ERBIN: variants seen among roughly 807,000 people sequenced by gnomAD.
ERBIN encodes the protein erbb2 interacting protein.
In ERBIN, 60 loss-of-function variants were observed where a neutral mutation model predicts 158.4. The observed-to-expected ratio is 0.38, with a 90% CI of 0.31 to 0.47. The LOEUF (loss-of-function observed/expected upper bound fraction) is 0.47, where lower values mean the gene tolerates loss of function less well. ERBIN is among the 20% of genes least tolerant of loss of function. The pLI is 0.99. For missense variants in ERBIN, 1,610 were observed against 1,648.0 expected (o/e 0.98, Z 0.40); for synonymous variants, 594 against 557.2 (o/e 1.07, Z -0.93).
intron 24 of ERBIN, 130 bp downstream of exon 24, chr5:66,076,538 A>G (rs997811684): frequency 6.1e-5 from 45 of 734,782 alleles, no homozygotes; most frequent in Non-Finnish European, 9.3e-5. Context: ...TCCCCACTCT[A>G]TTGCTTACCT....
chr5:66,075,185 G>A lies in ERBIN; in HGVS notation c.3918G>A (p.Gln1306=). Residue 1306 remains glutamine, a synonymous_variant, in exon 23 of 26, where the codon CAG becomes CAA. Transcript: ENST00000284037. ...LKVAHQPPYT[Q]PHCSPRQGHE... is the part of the protein sequence containing the mutation. ...TGGCCCACCAGCCTCCATATACACA[G>A]CCCCATTGTTCTCCTAGACAAGGCC... is the stretch of plus-strand genomic sequence containing the variant. 1.2e-6 allele frequency: 2 copies of A among 1,614,144 alleles called. No homozygotes were observed. Among genetic ancestry groups the A allele is most frequent in the Admixed American group, 1.7e-5 (1 of 60,012 alleles).
chr5:66,003,873 G>T (rs1464779523), intron 4 of ERBIN, among the ~76,000 whole-genome samples: 1 of 144,740 alleles, frequency 6.9e-6, no homozygotes, highest in African/African-American at 2.5e-5. Flanking sequence ...GAAGACATTT[G>T]TGTTTTGTGA....
At chr5:66,030,841 G>A (rs1265500829) in intron 14 of ERBIN, among the ~76,000 whole-genome samples, 1 of 152,090 alleles carries the variant, frequency 6.6e-6, no homozygotes, top group Admixed American at 6.6e-5. Context: ...ACAGTGCCGG[G>A]ACTACAGGTG....
At chr5:65,984,443 A>G (rs1750991216) in intron 1 of ERBIN, among the ~76,000 whole-genome samples, 1 of 152,094 alleles carries the variant, frequency 6.6e-6, no homozygotes, top group African/African-American at 2.4e-5. Flanking sequence ...CTGACCTTCT[A>G]GATGCCACTC....
At chr5:66,051,396 A>G (rs1201054430) in intron 20 of ERBIN, among the ~76,000 whole-genome samples, 1 of 152,228 alleles carries the variant, frequency 6.6e-6, no homozygotes. Context: ...TCACTGAGAG[A>G]GAGATAAATG....
chr5:66,058,325 C>T (rs1307297595), intron 21 of ERBIN, among the ~76,000 whole-genome samples: 1 of 152,054 alleles, frequency 6.6e-6, no homozygotes, highest in East Asian at 1.9e-4. Context: ...TTTTTGGCTG[C>T]ATAAGTGTCT....
At chr5:65,943,897 G>A (rs1745395943) in intron 1 of ERBIN, among the ~76,000 whole-genome samples, 1 of 152,106 alleles carries the variant, frequency 6.6e-6, no homozygotes, top group African/African-American at 2.4e-5. Context: ...AACTTTCTGT[G>A]TCTATTATTT....
intron 1 of ERBIN, among the ~76,000 whole-genome samples, chr5:65,957,456 A>G (rs1747304612): frequency 6.6e-6 from 1 of 152,172 alleles, no homozygotes; most frequent in South Asian, 2.1e-4. Flanking sequence ...TCTGTTTAAC[A>G]AAGCACATCT....
chr5:66,055,549 C>G (rs1434142878), intron 21 of ERBIN, among the ~76,000 whole-genome samples: 1 of 152,010 alleles, frequency 6.6e-6, no homozygotes, highest in Non-Finnish European at 1.5e-5. Flanking sequence ...TGCTCGTGTT[C>G]AATTTATAAT....
chr5:65,972,268 G>A (rs1749340424), intron 1 of ERBIN, among the ~76,000 whole-genome samples: 1 of 152,098 alleles, frequency 6.6e-6, no homozygotes, highest in Admixed American at 6.6e-5. Context: ...TTCTCAATAG[G>A]TATATTGACA....
intron 1 of ERBIN, among the ~76,000 whole-genome samples, chr5:65,939,491 A>C (rs114751209): frequency 0.017 from 2,577 of 151,946 alleles, 73 homozygotes; most frequent in African/African-American, 0.06. Context: ...CTTCACCAAG[A>C]GAGGTGCCTC....
chr5:65,938,018 G>A (rs905267874), intron 1 of ERBIN, among the ~76,000 whole-genome samples: 2 of 152,168 alleles, frequency 1.3e-5, no homozygotes, highest in Non-Finnish European at 2.9e-5. Flanking sequence ...CTCTTTCTAG[G>A]AAGATAGATT....
intron 21 of ERBIN, among the ~76,000 whole-genome samples, chr5:66,067,420 G>C (rs940943333): frequency 6.6e-6 from 1 of 152,186 alleles, no homozygotes; most frequent in Non-Finnish European, 1.5e-5. Flanking sequence ...GTTTCATCCA[G>C]TTTGACCATT....
chr5:65,969,179 GTC>G (rs1748986197), intron 1 of ERBIN, among the ~76,000 whole-genome samples: 1 of 152,000 alleles, frequency 6.6e-6, no homozygotes, highest in South Asian at 2.1e-4. Context: ...GCAAGCCATG[GTC>G]ACCCCACACC....
intron 14 of ERBIN, among the ~76,000 whole-genome samples, chr5:66,036,021 C>T (rs148128028): frequency 6.6e-6 from 1 of 152,040 alleles, no homozygotes; most frequent in Non-Finnish European, 1.5e-5. Context: ...CCCAGAAGTT[C>T]TAGGTTACAA....
intron 21 of ERBIN, among the ~76,000 whole-genome samples, chr5:66,066,522 T>TAAAAAAAAA (rs762065039): frequency 2.0e-5 from 2 of 102,108 alleles, no homozygotes; most frequent in Non-Finnish European, 2.1e-5. Context: ...CTGCCAAAAA[T>TAAAAAAAAA]AAAAAAAAAA....
intron 1 of ERBIN, among the ~76,000 whole-genome samples, chr5:65,968,091 T>A (rs182154310): frequency 6.6e-6 from 1 of 152,254 alleles, no homozygotes; most frequent in Non-Finnish European, 1.5e-5. Context: ...AGACCAGCTC[T>A]TATTCCAATG....
chr5:66,070,161 C>T (rs1050128224), intron 21 of ERBIN, among the ~76,000 whole-genome samples: 2 of 152,142 alleles, frequency 1.3e-5, no homozygotes, highest in African/African-American at 4.8e-5. Flanking sequence ...TCTCCTGCCT[C>T]ATCCTCCCAA....
At chr5:66,002,197 T>G (rs1348124605) in intron 4 of ERBIN, among the ~76,000 whole-genome samples, 1 of 152,216 alleles carries the variant, frequency 6.6e-6, no homozygotes, top group African/African-American at 2.4e-5. Context: ...TGCCACATTT[T>G]CTTTATCCAA....
Sources: gnomAD v4.1 joint callset for allele counts (sites outside exome capture counted in the v4.1 genomes callset) on GRCh38, gnomAD v4.1.1 for gene constraint, MANE v1.5 for transcripts, NCBI Gene and HGNC (gene_info 2026-07-23, HGNC 2026-07-21) for gene names.